The following PLEKHH2 variants were observed in gnomAD, a reference collection of about 807,000 sequenced individuals.
The protein encoded by PLEKHH2 is pleckstrin homology domain-containing family H member 2.
A neutral mutation model predicts 187.9 loss-of-function variants in PLEKHH2; 129 were observed. That is an observed-to-expected ratio of 0.69 (90% CI 0.59 to 0.79). The LOEUF (loss-of-function observed/expected upper bound fraction) is 0.79. PLEKHH2 is among the 30% of genes least tolerant of loss of function. PLEKHH2 has a pLI of 0.00. For synonymous variants in PLEKHH2, 686 were observed against 605.6 expected, an observed-to-expected ratio of 1.13 and a Z score of -1.95; for missense variants, 2,076 against 1,751.2, an observed-to-expected ratio of 1.19 and a Z score of -3.31.
At position 43,646,412 on chromosome 2, in the gene PLEKHH2, G is replaced by A. The variant is rs147205139; in HGVS notation, c.123+1616G>A. 5.6e-3 allele frequency among the ~76,000 whole-genome samples: 853 copies of A among 152,206 alleles called. 3 individuals carry two copies. Among genetic ancestry groups the A allele is most frequent in the Non-Finnish European group, 9.0e-3 (614 of 68,000 alleles). ...TAAACCTCATGGACACTTCCCATTT[G>A]TTGCCTAAGCCTCTCAGCAGTTGAC... On this transcript the variant is annotated intron_variant, in intron 2 of 29. Transcript: ENST00000282406.
intron 2 of PLEKHH2, among the ~76,000 whole-genome samples, chr2:43,659,465 T>C (rs1408473517): frequency 6.6e-6 from 1 of 152,134 alleles, no homozygotes; most frequent in African/African-American, 2.4e-5. Flanking sequence ...TCACATGGTG[T>C]TATCATTTTT....
chr2:43,643,721 T>A (rs1207118040), intron 1 of PLEKHH2, among the ~76,000 whole-genome samples: 4 of 152,106 alleles, frequency 2.6e-5, no homozygotes, highest in Non-Finnish European at 1.5e-5. Context: ...AGCAGGGCAG[T>A]TCATAGCAAG....
intron 1 of PLEKHH2, among the ~76,000 whole-genome samples, chr2:43,639,801 C>T (rs935362864): frequency 2.0e-5 from 3 of 151,980 alleles, no homozygotes; most frequent in African/African-American, 7.3e-5. Context: ...GAATTATAGG[C>T]CTGCACCACC....
chr2:43,706,508 AT>A, intron 10 of PLEKHH2, 92 bp downstream of exon 10: 2 of 895,956 alleles, frequency 2.2e-6, no homozygotes, highest in Non-Finnish European at 3.5e-6. Flanking sequence ...CATTCTTAAC[AT>A]TTTACACAGG....
intron 1 of PLEKHH2, 140 bp downstream of exon 1, chr2:43,637,519 A>T (rs1471431545): frequency 6.6e-6 from 1 of 152,448 alleles, no homozygotes; most frequent in Non-Finnish European, 1.5e-5. Flanking sequence ...CGGGGACGAG[A>T]GGGACGGAGC....
intron 2 of PLEKHH2, among the ~76,000 whole-genome samples, chr2:43,672,927 C>G (rs1667559152): frequency 6.6e-6 from 1 of 152,288 alleles, no homozygotes; most frequent in African/African-American, 2.4e-5. Context: ...AATTTTTTAA[C>G]AAACATTTGA....
intron 16 of PLEKHH2, among the ~76,000 whole-genome samples, chr2:43,723,609 G>A (rs771778843): frequency 1.3e-5 from 2 of 152,172 alleles, no homozygotes; most frequent in African/African-American, 4.8e-5. Context: ...GTTATGAAAG[G>A]CAGGTTCCCT....
intron 15 of PLEKHH2, among the ~76,000 whole-genome samples, chr2:43,717,160 G>C (rs543322312): frequency 4.9e-4 from 75 of 152,334 alleles, no homozygotes; most frequent in African/African-American, 1.7e-3. Context: ...GCTCATGCCT[G>C]TAATCCCAGC....
chr2:43,643,441 G>A (rs577643676), intron 1 of PLEKHH2, among the ~76,000 whole-genome samples: 1 of 152,162 alleles, frequency 6.6e-6, no homozygotes, highest in East Asian at 1.9e-4. Flanking sequence ...CAGTATTAAT[G>A]TGAAAATTGA....
intron 8 of PLEKHH2, 32 bp downstream of exon 8, chr2:43,700,640 A>G: frequency 6.4e-7 from 1 of 1,559,904 alleles, no homozygotes; most frequent in African/African-American, 1.4e-5. Context: ...ACACATACGC[A>G]GTAGTTTTTT....
At position 43,700,550 on chromosome 2, in the gene PLEKHH2, C is replaced by T. The variant is rs1029730920; in HGVS notation, c.1592C>T (p.Ala531Val). The T allele has an allele frequency of 5.0e-6, 8 of 1,613,364 alleles. No homozygotes were observed. In the African/African-American group the frequency reaches 1.1e-4, roughly 22 times the overall value. ...NSDDQEHCDS[A>V]KKVAYSKPPT... is the part of the protein sequence containing the mutation. ...GATGACCAGGAACACTGTGACTCAGCAAAGAAGGTGGCATACAGCAAACCT... is the reference window on the plus strand; with the variant it reads ...GATGACCAGGAACACTGTGACTCAGTAAAGAAGGTGGCATACAGCAAACCT... The change falls in exon 8 of 30, where the codon GCA becomes GTA. Residue 531 changes from alanine to valine, a missense_variant. Transcript: ENST00000282406.
chr2:43,726,834 G>T (rs950600992), intron 17 of PLEKHH2, among the ~76,000 whole-genome samples: 6 of 152,088 alleles, frequency 3.9e-5, no homozygotes, highest in African/African-American at 1.4e-4. Context: ...TGTATTATAT[G>T]TACATGTAGT....
At chr2:43,655,497 T>G (rs983961854) in intron 2 of PLEKHH2, among the ~76,000 whole-genome samples, 6 of 152,200 alleles carry the variant, frequency 3.9e-5, no homozygotes, top group African/African-American at 1.4e-4. Context: ...TGAACTTTCA[T>G]GAAGCTCTTA....
At chr2:43,713,573 G>T (rs1205530295) in intron 15 of PLEKHH2, among the ~76,000 whole-genome samples, 5 of 151,456 alleles carry the variant, frequency 3.3e-5, no homozygotes, top group African/African-American at 1.2e-4. Context: ...TACCTTATTT[G>T]TTGTAAGTAT....
At chr2:43,693,844 T>C (rs561644851) in intron 4 of PLEKHH2, among the ~76,000 whole-genome samples, 1 of 152,280 alleles carries the variant, frequency 6.6e-6, no homozygotes, top group South Asian at 2.1e-4. Context: ...TTGTTTATTT[T>C]CAGCATTTTT....
At chr2:43,713,852 C>G (rs1010754415) in intron 15 of PLEKHH2, among the ~76,000 whole-genome samples, 1 of 151,984 alleles carries the variant, frequency 6.6e-6, no homozygotes, top group Non-Finnish European at 1.5e-5. Context: ...GTAGTTTATA[C>G]TTATTATTAA....
At chr2:43,754,060 T>C (rs2104616401) in intron 25 of PLEKHH2, among the ~76,000 whole-genome samples, 1 of 146,144 alleles carries the variant, frequency 6.8e-6, no homozygotes, top group Non-Finnish European at 1.5e-5. Flanking sequence ...CTTGAAGATG[T>C]CATGCTGAAA....
intron 2 of PLEKHH2, among the ~76,000 whole-genome samples, chr2:43,677,844 T>A (rs1667910464): frequency 7.2e-6 from 1 of 139,360 alleles, no homozygotes; most frequent in Non-Finnish European, 1.6e-5. Flanking sequence ...CCCCCCCACC[T>A]CCCTCCCGGA....
At chr2:43,724,158 G>A (rs1353990191) in intron 16 of PLEKHH2, among the ~76,000 whole-genome samples, 1 of 147,226 alleles carries the variant, frequency 6.8e-6, no homozygotes, top group Non-Finnish European at 1.5e-5. Flanking sequence ...CTGAAATGCT[G>A]TTAAGTTTGA....
Sources: allele counts gnomAD v4.1 joint callset (sites outside exome capture counted in the v4.1 genomes callset), GRCh38; gene constraint gnomAD v4.1.1; transcripts MANE v1.5; gene names NCBI Gene and HGNC (gene_info 2026-07-23, HGNC 2026-07-21).